PDE4D: variants seen among roughly 807,000 people sequenced by gnomAD.
PDE4D encodes the protein 3',5'-cyclic-AMP phosphodiesterase 4D.
In PDE4D, 24 loss-of-function variants were observed where a neutral mutation model predicts 87.4. The ratio of observed to expected loss-of-function variants is 0.27; its 90% CI spans 0.20 to 0.39. PDE4D has a LOEUF of 0.39. PDE4D is among the 10% of genes least tolerant of loss of function. The pLI is 1.00. For missense variants in PDE4D, 714 were observed against 1,041.0 expected, an observed-to-expected ratio of 0.69 and a Z score of 4.32; for synonymous variants, 384 against 383.2, an observed-to-expected ratio of 1.00 and a Z score of -0.02.
In PDE4D at chr5:60,006,624, C is replaced by T. The variant is rs2662433; in HGVS notation, c.43-17907G>A. Among the ~76,000 whole-genome samples, 1,021 of 151,956 alleles carry T rather than the reference C, an allele frequency of 6.7e-3. 25 individuals carry two copies. In the East Asian group the frequency reaches 0.086, roughly 13 times the overall value. ...GAGATAGACGCTTGTATACTCAACA[C>T]ATAATAATGATGATAATGATGATAC... On this transcript the variant is annotated intron_variant, in intron 2 of 16. Transcript: ENST00000502484.
At chr5:59,616,715 G>A (rs1829713527) in intron 1 of PDE4D, among the ~76,000 whole-genome samples, 1 of 151,468 alleles carries the variant, frequency 6.6e-6, no homozygotes, top group South Asian at 2.1e-4. Flanking sequence ...ACTCTAGCAG[G>A]TTTCAAATAT....
intron 5 of PDE4D, among the ~76,000 whole-genome samples, chr5:59,127,079 T>C (rs971410407): frequency 6.6e-6 from 1 of 152,252 alleles, no homozygotes; most frequent in South Asian, 2.1e-4. Flanking sequence ...TTCTTGGAGC[T>C]GCCTGTGAAA....
chr5:59,324,176 A>G (rs1160292654), intron 1 of PDE4D, among the ~76,000 whole-genome samples: 1 of 152,184 alleles, frequency 6.6e-6, no homozygotes, highest in Non-Finnish European at 1.5e-5. Flanking sequence ...TCAAGCAAGC[A>G]TGGCCAGGGG....
At chr5:59,618,434 GAA>G (rs989906307) in intron 1 of PDE4D, among the ~76,000 whole-genome samples, 1 of 152,146 alleles carries the variant, frequency 6.6e-6, no homozygotes, top group African/African-American at 2.4e-5. Flanking sequence ...TGTGCAGAAT[GAA>G]AGAGAGGACC....
intron 5 of PDE4D, among the ~76,000 whole-genome samples, chr5:59,046,636 C>T (rs747187545): frequency 1.2e-4 from 18 of 151,996 alleles, no homozygotes; most frequent in Non-Finnish European, 2.1e-4. Flanking sequence ...TTCTCCCAAT[C>T]GTCAATAAGG....
intron 2 of PDE4D, among the ~76,000 whole-genome samples, chr5:60,105,636 G>T (rs552448099): frequency 1.8e-4 from 28 of 152,168 alleles, no homozygotes; most frequent in African/African-American, 6.8e-4. Context: ...CCTACAAAGG[G>T]AAGCCCATCA....
intron 2 of PDE4D, among the ~76,000 whole-genome samples, chr5:60,031,430 C>A (rs1767234329): frequency 6.6e-6 from 1 of 152,132 alleles, no homozygotes; most frequent in African/African-American, 2.4e-5. Flanking sequence ...CAAGCACACA[C>A]AAGGGCCAAA....
At chr5:60,127,627 T>C in intron 2 of PDE4D, 1 of 564,394 alleles carries the variant, frequency 1.8e-6, no homozygotes, top group Non-Finnish European at 3.2e-6. Flanking sequence ...TGGATGACTG[T>C]TGATATTCAT....
rs904336234 is a variant in PDE4D, at chr5:60,106,414, C to A, written c.42+79143G>T. Among the ~76,000 whole-genome samples the A allele has an allele frequency of 2.6e-5, 4 of 151,814 alleles. 1 individual carries two copies. Among genetic ancestry groups the A allele is most frequent in the African/African-American group, 9.7e-5 (4 of 41,416 alleles). On this transcript the variant is annotated intron_variant, in intron 2 of 16. Coordinates refer to the PDE4D transcript ENST00000502484. ...ACTCCCACACAATAATAATGGGAGA[C>A]TTTAACACCCCACTGTCAACATTAG...
At chr5:59,955,859 C>T (rs72753225) in intron 3 of PDE4D, among the ~76,000 whole-genome samples, 34,988 of 151,968 alleles carry the variant, frequency 0.23, 5,038 homozygotes, top group Admixed American at 0.34. Context: ...TCGACATGTT[C>T]TTTGGTGGGG....
intron 2 of PDE4D, among the ~76,000 whole-genome samples, chr5:60,109,750 C>G (rs1305540614): frequency 2.0e-5 from 3 of 151,998 alleles, no homozygotes; most frequent in Non-Finnish European, 4.4e-5. Context: ...TCTCAGTAAA[C>G]TATCGCAAGG....
intron 1 of PDE4D, among the ~76,000 whole-genome samples, chr5:60,373,447 C>T (rs1761192622): frequency 6.6e-6 from 1 of 152,114 alleles, no homozygotes; most frequent in African/African-American, 2.4e-5. Context: ...TTAGTTGCTA[C>T]CTCTTTCTCT....
intron 1 of PDE4D, among the ~76,000 whole-genome samples, chr5:60,367,970 G>A (rs895570639): frequency 3.9e-5 from 6 of 152,116 alleles, no homozygotes; most frequent in African/African-American, 1.4e-4. Flanking sequence ...CGTCATTACT[G>A]AGCGTTCTTT....
chr5:59,213,586 C>T (rs756646288), intron 2 of PDE4D, among the ~76,000 whole-genome samples: 22 of 152,064 alleles, frequency 1.4e-4, no homozygotes, highest in Non-Finnish European at 3.1e-4. Flanking sequence ...CCGCTTGAAC[C>T]TAATTCTCTG....
At chr5:59,668,845 G>GAAGAGGAAGAAGAA (rs1746601354) in intron 1 of PDE4D, among the ~76,000 whole-genome samples, 1 of 62,124 alleles carries the variant, frequency 1.6e-5, no homozygotes, top group African/African-American at 6.6e-5. Context: ...AAGAGGAAGA[G>GAAGAGGAAGAAGAA]GAAGAAGAAG....
chr5:60,163,418 T>C (rs1782626616), intron 2 of PDE4D, among the ~76,000 whole-genome samples: 1 of 152,136 alleles, frequency 6.6e-6, no homozygotes, highest in Non-Finnish European at 1.5e-5. Flanking sequence ...GCAACTTGGT[T>C]TCCAGAGCAG....
chr5:60,134,198 C>T (rs1373701340), intron 2 of PDE4D, among the ~76,000 whole-genome samples: 1 of 151,990 alleles, frequency 6.6e-6, no homozygotes, highest in African/African-American at 2.4e-5. Flanking sequence ...TTATTTTGTG[C>T]TTATAAACAT....
chr5:59,553,307 A>C (rs1818413753), intron 1 of PDE4D, among the ~76,000 whole-genome samples: 1 of 152,114 alleles, frequency 6.6e-6, no homozygotes, highest in African/African-American at 2.4e-5. Context: ...AAGCTGGGAA[A>C]GGCATTTTAG....
intron 2 of PDE4D, among the ~76,000 whole-genome samples, chr5:60,138,534 T>C (rs1049076281): frequency 6.6e-6 from 1 of 152,144 alleles, no homozygotes. Context: ...GAAATGTCTT[T>C]CATTATTGTA....
Sources: allele counts gnomAD v4.1 joint callset (sites outside exome capture counted in the v4.1 genomes callset), GRCh38; gene constraint gnomAD v4.1.1; transcripts MANE v1.5; gene names NCBI Gene and HGNC (gene_info 2026-07-23, HGNC 2026-07-21).